NFU1: variants seen among roughly 807,000 people sequenced by gnomAD.
NFU1 encodes NFU1 iron-sulfur cluster scaffold homolog, mitochondrial.
Under a neutral mutation model 32.2 loss-of-function variants are expected in NFU1, and 30 were observed. That is an observed-to-expected ratio of 0.93 (90% CI 0.70 to 1.26). The LOEUF (loss-of-function observed/expected upper bound fraction) is 1.26. Ranked by LOEUF, NFU1 falls within the 50% of genes most tolerant of loss-of-function variation. NFU1 has a pLI of 0.00. For synonymous variants in NFU1, 112 were observed against 104.6 expected (o/e 1.07, Z -0.43); for missense variants, 306 against 306.6 (o/e 1.00, Z 0.02).
At chr2:69,434,065 G>C (rs1020479961) in intron 1 of NFU1, among the ~76,000 whole-genome samples, 3 of 151,652 alleles carry the variant, frequency 2.0e-5, no homozygotes, top group Admixed American at 6.6e-5. Context: ...TTATAGGCGT[G>C]AGCCACCATG....
upstream of NFU1, among the ~76,000 whole-genome samples, chr2:69,438,251 T>C (rs947284523): frequency 6.6e-6 from 1 of 151,488 alleles, no homozygotes; most frequent in African/African-American, 2.4e-5. Context: ...TTACTTGCTT[T>C]TTTTTTTTTT....
At chr2:69,418,719 T>A (rs1047636957) in intron 4 of NFU1, among the ~76,000 whole-genome samples, 5 of 151,932 alleles carry the variant, frequency 3.3e-5, no homozygotes, top group Non-Finnish European at 5.9e-5. Context: ...TCTGCCCACC[T>A]CGGCCTCCCA....
rs147552207 is a variant in NFU1 at position 69,413,217 on chromosome 2, G to A, written c.484+1968C>T. ...GGAGAATCGCTTGAACCCAGGAGGT[G>A]GAGGTTGTGGTGAGCTGAGATCGCG... On this transcript the variant is annotated intron_variant, in intron 5 of 7. Coordinates refer to ENST00000410022, the MANE Select transcript of NFU1 (RefSeq NM_001002755.4). 0.012 allele frequency among the ~76,000 whole-genome samples: 1,756 copies of A among 151,398 alleles called. 120 individuals are homozygous for A. In the East Asian group the frequency reaches 0.18, roughly 16 times the overall value.
At chr2:69,431,873 C>G (rs1673649909) in intron 2 of NFU1, 29 bp downstream of exon 2, 2 of 1,335,824 alleles carry the variant, frequency 1.5e-6, no homozygotes, top group East Asian at 4.6e-5. Context: ...TTCTGAAACA[C>G]AACTGCTATA....
chr2:69,407,352 A>AC (rs1318639062), intron 5 of NFU1, among the ~76,000 whole-genome samples: 1 of 152,072 alleles, frequency 6.6e-6, no homozygotes, highest in African/African-American at 2.4e-5. Context: ...GATTCTGGCA[A>AC]CCCCTAAAAT....
intron 6 of NFU1, among the ~76,000 whole-genome samples, chr2:69,404,546 C>T (rs1361183614): frequency 6.7e-6 from 1 of 150,010 alleles, no homozygotes; most frequent in Non-Finnish European, 1.5e-5. Context: ...TTAACATATA[C>T]TAACATATAC....
At chr2:69,417,856 G>GAA (rs796236251) in intron 4 of NFU1, among the ~76,000 whole-genome samples, 4 of 124,020 alleles carry the variant, frequency 3.2e-5, no homozygotes, top group Non-Finnish European at 7.1e-5. Context: ...AGAAAAATAG[G>GAA]AAAAAAAAAA....
rs1475093018 is a variant in NFU1 at position 69,427,038 on chromosome 2, C to A, written c.167-3321G>T. Among the ~76,000 whole-genome samples the A allele has an allele frequency of 9.1e-5, 13 of 142,894 alleles. No homozygotes were observed. In the Admixed American group the frequency reaches 9.3e-4, roughly 10 times the overall value. 93.7% of individuals were successfully genotyped at this position (142,894 alleles called of 152,430 possible). A position where few individuals can be genotyped will look rare whatever the true frequency, so the allele number is the denominator to read the frequency against. ...TCCTGCCATTGCACTCCAGCCTGGG[C>A]AATAGAGAGAGACTAGGTCTCAAAA... On this transcript the variant is annotated intron_variant, in intron 2 of 7. Coordinates refer to ENST00000410022, the MANE Select transcript of NFU1 (RefSeq NM_001002755.4).
chr2:69,416,657 G>C (rs780061138), intron 4 of NFU1, among the ~76,000 whole-genome samples: 3 of 151,990 alleles, frequency 2.0e-5, no homozygotes, highest in Non-Finnish European at 4.4e-5. Context: ...CAGCACTTTG[G>C]GGAGGCCGAG....
At chr2:69,423,117 G>A (rs1673299794) in intron 3 of NFU1, among the ~76,000 whole-genome samples, 1 of 133,186 alleles carries the variant, frequency 7.5e-6, no homozygotes, top group Non-Finnish European at 1.7e-5. Context: ...GCTGAGACCA[G>A]AGGTACACAC....
At chr2:69,438,664 C>T (rs977721111), upstream of NFU1, among the ~76,000 whole-genome samples, 1 of 152,124 alleles carries the variant, frequency 6.6e-6, no homozygotes, top group African/African-American at 2.4e-5. Flanking sequence ...AACAGCACAC[C>T]TGTTGTTGAA....
chr2:69,412,562 T>G (rs1021274184), intron 5 of NFU1, among the ~76,000 whole-genome samples: 1 of 151,938 alleles, frequency 6.6e-6, no homozygotes, highest in East Asian at 1.9e-4. Flanking sequence ...AATTTTTGTA[T>G]TTTTAGTAGA....
At chr2:69,421,193 AC>A (rs1673227408) in intron 3 of NFU1, among the ~76,000 whole-genome samples, 1 of 152,190 alleles carries the variant, frequency 6.6e-6, no homozygotes, top group Non-Finnish European at 1.5e-5. Flanking sequence ...AGCCTGGGCA[AC>A]AAAAGTGAAA....
At chr2:69,438,897 C>T (rs1431005087), upstream of NFU1, among the ~76,000 whole-genome samples, 2 of 115,670 alleles carry the variant, frequency 1.7e-5, no homozygotes, top group African/African-American at 3.4e-5. Context: ...CCCATCCAAC[C>T]CCCCACCCAC....
At chr2:69,422,006 T>C (rs538409752) in intron 3 of NFU1, among the ~76,000 whole-genome samples, 13 of 152,296 alleles carry the variant, frequency 8.5e-5, no homozygotes, top group African/African-American at 3.1e-4. Flanking sequence ...ATACCTATGA[T>C]AAAGTTTAAT....
At chr2:69,424,192 A>T (rs1181227787) in intron 2 of NFU1, among the ~76,000 whole-genome samples, 21 of 134,456 alleles carry the variant, frequency 1.6e-4, no homozygotes, top group African/African-American at 5.8e-4. Context: ...AAAAAAAAAA[A>T]AAAAAAATAT....
At chr2:69,411,798 T>C (rs1208349757) in intron 5 of NFU1, among the ~76,000 whole-genome samples, 1 of 151,908 alleles carries the variant, frequency 6.6e-6, no homozygotes, top group East Asian at 1.9e-4. Flanking sequence ...TTTGCCATAT[T>C]GCCCAGGCTA....
At chr2:69,396,636 C>G (rs1473953564) in intron 7 of NFU1, among the ~76,000 whole-genome samples, 1 of 151,412 alleles carries the variant, frequency 6.6e-6, no homozygotes, top group Admixed American at 6.6e-5. Context: ...GTGGGCAACA[C>G]AGCGAGACTC....
intron 5 of NFU1, among the ~76,000 whole-genome samples, chr2:69,407,342 G>A (rs186051119): frequency 6.6e-6 from 1 of 152,248 alleles, no homozygotes; most frequent in African/African-American, 2.4e-5. Context: ...ACAAACACTA[G>A]ATTCTGGCAA....
Sources: gnomAD v4.1 joint callset for allele counts (sites outside exome capture counted in the v4.1 genomes callset) on GRCh38, gnomAD v4.1.1 for gene constraint, MANE v1.5 for transcripts, NCBI Gene and HGNC (gene_info 2026-07-23, HGNC 2026-07-21) for gene names.